CRB1: variants seen among roughly 807,000 people sequenced by gnomAD.
The protein encoded by CRB1 is protein crumbs homolog 1.
Under a neutral mutation model 120.0 loss-of-function variants are expected in CRB1, and 83 were observed. The observed-to-expected ratio is 0.69, with a 90% confidence interval of 0.58 to 0.83. The LOEUF (loss-of-function observed/expected upper bound fraction) is 0.83. Ranked by LOEUF, CRB1 falls within the 40% of genes least tolerant of loss-of-function variation. The pLI, the probability that CRB1 is intolerant of heterozygous loss-of-function variation, is 0.00. For missense variants in CRB1, 1,699 were observed against 1,687.6 expected (o/e 1.01, Z -0.12); for synonymous variants, 625 against 612.5 (o/e 1.02, Z -0.30).
At chr1:197,222,867 G>C in the CRB1 span, 1 of 1,483,648 alleles carries the variant, frequency 6.7e-7, no homozygotes, top group Non-Finnish European at 9.4e-7. Flanking sequence ...GGCAGGTTTG[G>C]ATGAAATTGG....
In CRB1 at chr1:197,438,491, T is replaced by C. The variant is rs1219112559; in HGVS notation, c.3750-56T>C. The C allele has an allele frequency of 1.9e-6, 3 of 1,604,908 alleles. No individual in the cohort carries two copies. In the African/African-American group the frequency reaches 4.0e-5, roughly 22 times the overall value. On this transcript the variant is annotated intron_variant, in intron 9 of 11. Coordinates refer to ENST00000367400, the MANE Select transcript of CRB1 (RefSeq NM_201253.3). ...CATACATGAATTTATCAGAAAACTT[T>C]TCTTGAATGAGATGAACAAGATGAA...
intron 5 of CRB1, among the ~76,000 whole-genome samples, chr1:197,405,052 C>T (rs944816299): frequency 1.2e-4 from 18 of 151,114 alleles, no homozygotes; most frequent in Non-Finnish European, 2.5e-4. Flanking sequence ...CTCGCCCTCT[C>T]CCTCTCCCTC....
At chr1:197,431,263 T>A (rs936514868) in intron 8 of CRB1, among the ~76,000 whole-genome samples, 3 of 152,104 alleles carry the variant, frequency 2.0e-5, no homozygotes, top group Non-Finnish European at 4.4e-5. Context: ...AAGACCTGTA[T>A]GAAATACATT....
intron 1 of CRB1, among the ~76,000 whole-genome samples, chr1:197,327,122 A>ACC: frequency 7.1e-6 from 1 of 141,150 alleles, no homozygotes; most frequent in Non-Finnish European, 1.5e-5. Context: ...AAAAAAAAAA[A>ACC]AAAAAAAAAA....
At chr1:197,211,597 A>C in the CRB1 span, among the ~76,000 whole-genome samples, 1 of 152,188 alleles carries the variant, frequency 6.6e-6, no homozygotes. Context: ...TATAAGGTGG[A>C]GCTCTCATGA....
chr1:197,231,918 C>G, the CRB1 span, among the ~76,000 whole-genome samples: 3 of 152,106 alleles, frequency 2.0e-5, no homozygotes, highest in Non-Finnish European at 2.9e-5. Context: ...ATTCTCGGAA[C>G]CTGTGAATGT....
At chr1:197,414,350 T>G (rs1329548447) in intron 5 of CRB1, among the ~76,000 whole-genome samples, 1 of 152,098 alleles carries the variant, frequency 6.6e-6, no homozygotes, top group Non-Finnish European at 1.5e-5. Flanking sequence ...TTCAGCAAAG[T>G]GAGAATTATG....
the CRB1 span, among the ~76,000 whole-genome samples, chr1:197,252,582 A>ATATATATATGTATATATATGTGTG: frequency 6.4e-5 from 1 of 15,506 alleles, no homozygotes; most frequent in South Asian, 3.0e-3. Flanking sequence ...ATATATATAT[A>ATATATATATGTATATATATGTGTG]TGTGTGTGTG....
chr1:197,322,400 T>C (rs1411781443), intron 1 of CRB1, among the ~76,000 whole-genome samples: 1 of 151,674 alleles, frequency 6.6e-6, no homozygotes, highest in African/African-American at 2.4e-5. Flanking sequence ...GAGGCAGAGG[T>C]TGCAGTGAGC....
chr1:197,293,595 G>A (rs536628278), intron 1 of CRB1, among the ~76,000 whole-genome samples: 105 of 152,062 alleles, frequency 6.9e-4, no homozygotes, highest in African/African-American at 2.4e-3. Flanking sequence ...AAAAGAGCCC[G>A]CGTCGCCAAG....
intron 11 of CRB1, among the ~76,000 whole-genome samples, chr1:197,471,098 GC>G (rs1463826386): frequency 2.6e-5 from 4 of 151,718 alleles, no homozygotes; most frequent in African/African-American, 9.7e-5. Flanking sequence ...TCCTATCATA[GC>G]TATACCATTC....
chr1:197,207,904 T>C, the CRB1 span, among the ~76,000 whole-genome samples: 1 of 152,126 alleles, frequency 6.6e-6, no homozygotes, highest in South Asian at 2.1e-4. Context: ...TTGGAGGCTA[T>C]GCTCTTTTTT....
the CRB1 span, among the ~76,000 whole-genome samples, chr1:197,254,236 G>A: frequency 1.3e-5 from 2 of 152,198 alleles, no homozygotes; most frequent in African/African-American, 4.8e-5. Context: ...AGCAACCCAA[G>A]TTCGCCAAAG....
the CRB1 span, among the ~76,000 whole-genome samples, chr1:197,208,129 A>G: frequency 1.3e-5 from 2 of 151,692 alleles, no homozygotes; most frequent in African/African-American, 4.8e-5. Context: ...CATATCTTGT[A>G]TCTGTTTTTA....
At chr1:197,391,640 A>G (rs1023031464) in intron 5 of CRB1, among the ~76,000 whole-genome samples, 1 of 152,094 alleles carries the variant, frequency 6.6e-6, no homozygotes, top group Non-Finnish European at 1.5e-5. Context: ...CTGGAACTTT[A>G]TAATAAATTC....
intron 5 of CRB1, among the ~76,000 whole-genome samples, chr1:197,397,539 T>C (rs987036130): frequency 6.6e-6 from 1 of 152,196 alleles, no homozygotes; most frequent in African/African-American, 2.4e-5. Context: ...TTACTCATAA[T>C]TTCGAAAACC....
In CRB1 at chr1:197,347,446, A is replaced by C. The variant is rs1301972228; in HGVS notation, c.955A>C (p.Ser319Arg). 6.2e-7 allele frequency: 1 copy of C among 1,614,056 alleles called. No individual in the cohort carries two copies. Among genetic ancestry groups the C allele is most frequent in the East Asian group, 2.2e-5 (1 of 44,888 alleles). Residue 319 changes from serine (S) to arginine (R), a missense_variant, in exon 4 of 12, where the codon AGT becomes CGT. By Grantham distance (110) the Ser-to-Arg change is moderately radical. Transcript: ENST00000367400. ...PCHNNATCEDSVDNYTCHCWP... is the reference protein window; with the variant it reads ...PCHNNATCEDRVDNYTCHCWP... ...TCACAATAATGCTACATGTGAGGAC[A>C]GTGTTGACAATTACACTTGTCACTG... is the stretch of plus-strand genomic sequence containing the variant.
At chr1:197,347,878 A>G (rs1316328832) in intron 4 of CRB1, among the ~76,000 whole-genome samples, 2 of 152,202 alleles carry the variant, frequency 1.3e-5, no homozygotes, top group African/African-American at 4.8e-5. Context: ...GGCATTTGTA[A>G]AGAGTTATAT....
intron 1 of CRB1, among the ~76,000 whole-genome samples, chr1:197,289,111 A>C (rs1656012306): frequency 6.6e-6 from 1 of 151,776 alleles, no homozygotes; most frequent in South Asian, 2.1e-4. Flanking sequence ...GGGACAGACC[A>C]GAGACAGACC....
Sources: allele counts gnomAD v4.1 joint callset (sites outside exome capture counted in the v4.1 genomes callset), GRCh38; gene constraint gnomAD v4.1.1; transcripts MANE v1.5; gene names NCBI Gene and HGNC (gene_info 2026-07-23, HGNC 2026-07-21).